The following PAK5 variants were observed in gnomAD, a reference collection of about 807,000 sequenced individuals.
PAK5 encodes the protein serine/threonine-protein kinase PAK 5.
A neutral mutation model predicts 65.9 loss-of-function variants in PAK5; 16 were observed. The ratio of observed to expected loss-of-function variants is 0.24; its 90% confidence interval spans 0.16 to 0.37. The LOEUF (loss-of-function observed/expected upper bound fraction) is 0.37. PAK5 is among the 10% of genes least tolerant of loss of function. The probability of loss-of-function intolerance (pLI) is 1.00; values close to 1 mark genes in which losing one functional copy is unlikely to be tolerated. For synonymous variants in PAK5, 371 were observed against 354.9 expected (o/e 1.05, Z -0.51); for missense variants, 785 against 903.9 (o/e 0.87, Z 1.69).
rs922597668 is a variant in PAK5 at position 9,838,191 on chromosome 20, A to G, written c.-162+571T>C. Among the ~76,000 whole-genome samples, 8 of 127,538 alleles carry G rather than the reference A, an allele frequency of 6.3e-5. No individual in the cohort carries two copies. The highest frequency in any genetic ancestry group is 8.1e-5 in the Non-Finnish European group (5 of 61,842). 83.7% of individuals were successfully genotyped at this position (127,538 alleles called of 152,430 possible). ...ATTACAACCCACCAGGCGCGCGCGCACACACACACGCGCGCACACACACAC... is the reference window on the plus strand; with the variant it reads ...ATTACAACCCACCAGGCGCGCGCGCGCACACACACGCGCGCACACACACAC... On this transcript the variant is annotated intron_variant, in intron 1 of 9. Coordinates refer to ENST00000353224, the MANE Select transcript of PAK5 (RefSeq NM_177990.4). The surrounding 1 kb of genome is among the most constrained non-coding windows in gnomAD (Gnocchi z 4.5).
At chr20:9,734,395 TAAGAG>T (rs2048366303) in intron 1 of PAK5, among the ~76,000 whole-genome samples, 1 of 151,594 alleles carries the variant, frequency 6.6e-6, no homozygotes, top group African/African-American at 2.4e-5. Flanking sequence ...AAGGGAATGA[TAAGAG>T]AAGGGATACA....
At chr20:9,551,886 T>C (rs540070450) in intron 7 of PAK5, among the ~76,000 whole-genome samples, 1 of 152,228 alleles carries the variant, frequency 6.6e-6, no homozygotes, top group Admixed American at 6.5e-5. Context: ...GAGAACGTTA[T>C]GGAAAAAGCA....
intron 2 of PAK5, among the ~76,000 whole-genome samples, chr20:9,707,209 T>G (rs1173593656): frequency 6.6e-6 from 1 of 152,080 alleles, no homozygotes; most frequent in African/African-American, 2.4e-5. Context: ...ACAGCCTATT[T>G]CCCAGGCTCA....
intron 1 of PAK5, among the ~76,000 whole-genome samples, chr20:9,744,414 A>G (rs573871757): frequency 6.6e-6 from 1 of 152,330 alleles, no homozygotes; most frequent in Admixed American, 6.5e-5. Context: ...TTGTGCTCCT[A>G]ATGTAAGAGC....
intron 3 of PAK5, among the ~76,000 whole-genome samples, chr20:9,607,226 C>G (rs1230225856): frequency 6.6e-6 from 1 of 152,144 alleles, no homozygotes; most frequent in Non-Finnish European, 1.5e-5. Context: ...TATGGCTTCT[C>G]TGATAGTCCT....
At chr20:9,758,419 C>T (rs1053778150) in intron 1 of PAK5, among the ~76,000 whole-genome samples, 2 of 152,158 alleles carry the variant, frequency 1.3e-5, no homozygotes, top group South Asian at 2.1e-4. Flanking sequence ...ATGCCAAGCC[C>T]GTGCAACAAC....
chr20:9,778,337 A>C (rs946869413), intron 1 of PAK5, among the ~76,000 whole-genome samples: 1 of 152,172 alleles, frequency 6.6e-6, no homozygotes, highest in Admixed American at 6.5e-5. Context: ...CCCTGGGCTC[A>C]AGTGATTCTC....
At chr20:9,625,395 C>T (rs890572440) in intron 3 of PAK5, among the ~76,000 whole-genome samples, 1 of 152,216 alleles carries the variant, frequency 6.6e-6, no homozygotes, top group South Asian at 2.1e-4. Context: ...CTTTCTACAA[C>T]GCTGTGCCAA....
chr20:9,569,262 T>C (rs2045734948), intron 4 of PAK5, among the ~76,000 whole-genome samples: 1 of 152,180 alleles, frequency 6.6e-6, no homozygotes, highest in Non-Finnish European at 1.5e-5. Context: ...CTTTTAGCCA[T>C]GTAAAGTTTG....
Position 9,566,130 on chromosome 20 carries a change from G to C in PAK5, c.1245C>G (p.Ser415Arg), listed in dbSNP as rs1273706701. Residue 415 changes from serine (S) to arginine (R), a missense_variant, in exon 5 of 10, where the codon AGC (serine) becomes AGG (arginine). By Grantham distance (110) the Ser-to-Arg change is moderately radical. Coordinates refer to ENST00000353224, the MANE Select transcript of PAK5 (RefSeq NM_177990.4). ...SLSSSTYPPP[S>R]WGSSSDQQPS... The stretch of plus-strand genomic sequence containing the variant: ...GCTGCTGGTCGGAGGAGGAGCCCCA[G>C]CTGGGCGGCGGGTAGGTGCTGGATG... The C allele has an allele frequency of 6.2e-7, 1 of 1,613,928 alleles. No homozygotes were observed. Among genetic ancestry groups the C allele is most frequent in the Non-Finnish European group, 8.5e-7 (1 of 1,179,924 alleles).
intron 2 of PAK5, among the ~76,000 whole-genome samples, chr20:9,645,140 T>C (rs936315822): frequency 1.3e-5 from 2 of 152,118 alleles, no homozygotes; most frequent in South Asian, 2.1e-4. Flanking sequence ...TACAAGAAAG[T>C]TGACTGATAT....
chr20:9,751,903 A>G (rs189224494), intron 1 of PAK5, among the ~76,000 whole-genome samples: 1 of 152,284 alleles, frequency 6.6e-6, no homozygotes, highest in African/African-American at 2.4e-5. Context: ...ATCAACAAAC[A>G]TTTACTTAGC....
intron 2 of PAK5, among the ~76,000 whole-genome samples, chr20:9,695,633 CATTA>C (rs1386673749): frequency 1.3e-5 from 2 of 151,990 alleles, no homozygotes; most frequent in Non-Finnish European, 1.5e-5. Context: ...CCAACAGCCA[CATTA>C]ATTAAGATGT....
At chr20:9,550,580 G>A (rs1303884257) in intron 7 of PAK5, among the ~76,000 whole-genome samples, 1 of 152,142 alleles carries the variant, frequency 6.6e-6, no homozygotes, top group Non-Finnish European at 1.5e-5. Flanking sequence ...TCATAATAAT[G>A]TAGTTGACTT....
intron 4 of PAK5, among the ~76,000 whole-genome samples, chr20:9,570,484 G>C (rs1298410963): frequency 6.6e-6 from 1 of 152,142 alleles, no homozygotes; most frequent in African/African-American, 2.4e-5. Context: ...GTGTGTGTAT[G>C]ATGGAATGGG....
intron 1 of PAK5, among the ~76,000 whole-genome samples, chr20:9,759,447 C>T (rs1569076256): frequency 6.6e-6 from 1 of 152,112 alleles, no homozygotes; most frequent in African/African-American, 2.4e-5. Context: ...TGCCTCACAC[C>T]TATGGGAAAT....
chr20:9,811,314 T>TA (rs1423185619), intron 1 of PAK5, among the ~76,000 whole-genome samples: 1 of 152,168 alleles, frequency 6.6e-6, no homozygotes, highest in Non-Finnish European at 1.5e-5. Context: ...CAGTAACTCC[T>TA]AAATGCTACT....
chr20:9,734,457 G>C (rs2048366941), intron 1 of PAK5, among the ~76,000 whole-genome samples: 1 of 151,948 alleles, frequency 6.6e-6, no homozygotes, highest in African/African-American at 2.4e-5. Context: ...AATGACATTA[G>C]GGAATAGAAG....
intron 1 of PAK5, among the ~76,000 whole-genome samples, chr20:9,794,488 G>C (rs550571539): frequency 6.6e-6 from 1 of 152,184 alleles, no homozygotes; most frequent in Non-Finnish European, 1.5e-5. Flanking sequence ...TTAGCAGACT[G>C]GTGGTCTTGA....
Sources: gnomAD v4.1 joint callset for allele counts (sites outside exome capture counted in the v4.1 genomes callset) on GRCh38, gnomAD v4.1.1 for gene constraint, Gnocchi (gnomAD v3.1) non-coding constraint, MANE v1.5 for transcripts, NCBI Gene and HGNC (gene_info 2026-07-23, HGNC 2026-07-21) for gene names.